Variants in PCDH17 observed in about 807,000 individuals in gnomAD.
PCDH17 encodes the protein protocadherin 17.
A neutral mutation model predicts 67.7 loss-of-function variants in PCDH17; 21 were observed. The ratio of observed to expected loss-of-function variants is 0.31; its 90% CI spans 0.22 to 0.45. PCDH17 has a LOEUF of 0.45. Among genes scored for constraint, PCDH17 ranks in the 20% least tolerant of loss-of-function variants. The pLI is 1.00. For missense variants in PCDH17, 1,471 were observed against 1,564.8 expected (o/e 0.94, Z 1.01); for synonymous variants, 701 against 656.7 (o/e 1.07, Z -1.03).
rs1439376614 is a variant in PCDH17, at chr13:57,725,526, T to C, written c.*232T>C. ...ACTTGTATTAGGACAGAATTAATGA[T>C]GCTTAAAGAGAAAAGAAAAAAAGAG... On this transcript the variant is annotated 3_prime_UTR_variant, in exon 4 of 4. Transcript: ENST00000377918. 6.9e-6 allele frequency: 3 copies of C among 433,854 alleles called. No individual in the cohort carries two copies. Among genetic ancestry groups the C allele is most frequent in the Non-Finnish European group, 1.2e-5 (3 of 245,666 alleles). The allele number at this position is 433,854 out of a possible 1,614,324, so 26.9% of individuals were successfully genotyped here. A position where few individuals can be genotyped will look rare whatever the true frequency, so the allele number is the denominator to read the frequency against.
chr13:57,681,184 C>G (rs1181832059), intron 3 of PCDH17, among the ~76,000 whole-genome samples: 1 of 151,602 alleles, frequency 6.6e-6, no homozygotes, highest in African/African-American at 2.4e-5. Context: ...TGTCTCATGC[C>G]ATGTCTGTAC....
At chr13:57,681,702 T>C (rs1365305098) in intron 3 of PCDH17, among the ~76,000 whole-genome samples, 1 of 151,774 alleles carries the variant, frequency 6.6e-6, no homozygotes, top group East Asian at 1.9e-4. Flanking sequence ...AGCTTATTAA[T>C]ATATAGCCAC....
At chr13:57,669,860 G>C (rs563777084) in intron 3 of PCDH17, among the ~76,000 whole-genome samples, 1 of 152,068 alleles carries the variant, frequency 6.6e-6, no homozygotes, top group African/African-American at 2.4e-5. Flanking sequence ...ATAAACATCA[G>C]AGTAAGTAAA....
intron 3 of PCDH17, among the ~76,000 whole-genome samples, chr13:57,673,929 A>G (rs1012142942): frequency 2.6e-5 from 4 of 151,926 alleles, no homozygotes; most frequent in Admixed American, 2.6e-4. Flanking sequence ...AATTGTATGC[A>G]GCTTCAGTTT....
chr13:57,719,493 C>T (rs901979735), intron 3 of PCDH17, among the ~76,000 whole-genome samples: 10 of 151,966 alleles, frequency 6.6e-5, no homozygotes, highest in Non-Finnish European at 1.2e-4. Flanking sequence ...AGATAGGAAA[C>T]TCCTGTGCTG....
rs1593921782 is a variant in PCDH17 at position 57,679,452 on chromosome 13, C to T, written c.2797+12619C>T. On this transcript the variant is annotated intron_variant, in intron 3 of 3. Transcript: ENST00000377918. ...TTTACTTTGGGAAGCTAAAAAGTAA[C>T]CTAGGCACATGGTAATGTATAATCA... Among the ~76,000 whole-genome samples the T allele has an allele frequency of 2.0e-5, 3 of 150,764 alleles. No individual in the cohort carries two copies. The South Asian group carries it at 6.2e-4, about 31-fold the overall frequency.
In PCDH17 at chr13:57,662,330, G is replaced by A. The variant is rs1955193454; in HGVS notation, c.2566-4138G>A. 3.3e-5 allele frequency among the ~76,000 whole-genome samples: 5 copies of A among 152,188 alleles called. No individual in the cohort carries two copies. The South Asian group carries it at 1.0e-3, about 32-fold the overall frequency. On this transcript the variant is annotated intron_variant, in intron 1 of 3. Transcript: ENST00000377918. ...TTTCTGAGAATTTGCATGGAATTAT[G>A]TTACATGCATACATTATTTGGGGAT... is the stretch of plus-strand genomic sequence containing the variant.
At chr13:57,722,235 T>C (rs911635080) in intron 3 of PCDH17, among the ~76,000 whole-genome samples, 2 of 152,206 alleles carry the variant, frequency 1.3e-5, no homozygotes, top group Non-Finnish European at 2.9e-5. Context: ...TTTCTTTTTC[T>C]GTGTCTTAAA....
At chr13:57,656,837 T>C (rs1955111824) in intron 1 of PCDH17, among the ~76,000 whole-genome samples, 1 of 152,148 alleles carries the variant, frequency 6.6e-6, no homozygotes, top group African/African-American at 2.4e-5. Flanking sequence ...TTTGAGGATG[T>C]TGGAGTTAGC....
intron 3 of PCDH17, among the ~76,000 whole-genome samples, chr13:57,699,023 C>T (rs1311609317): frequency 6.6e-6 from 1 of 151,890 alleles, no homozygotes; most frequent in Non-Finnish European, 1.5e-5. Flanking sequence ...AACTGTTTAG[C>T]TCAAGGCACA....
At chr13:57,663,159 C>A (rs1955204480) in intron 1 of PCDH17, among the ~76,000 whole-genome samples, 1 of 151,942 alleles carries the variant, frequency 6.6e-6, no homozygotes, top group African/African-American at 2.4e-5. Flanking sequence ...ATTGTAGGTA[C>A]ATGTGATATT....
chr13:57,643,310 A>G (rs1264733725), intron 1 of PCDH17, among the ~76,000 whole-genome samples: 1 of 151,682 alleles, frequency 6.6e-6, no homozygotes, highest in Non-Finnish European at 1.5e-5. Flanking sequence ...GCAAAATATA[A>G]TAAGAAAAAA....
At chr13:57,689,860 A>G (rs1208057187) in intron 3 of PCDH17, among the ~76,000 whole-genome samples, 2 of 151,920 alleles carry the variant, frequency 1.3e-5, no homozygotes, top group Non-Finnish European at 2.9e-5. Context: ...ATACACATAC[A>G]TTTTATAATT....
At chr13:57,635,205 A>C in intron 1 of PCDH17, 94 bp downstream of exon 1, 1 of 1,269,690 alleles carries the variant, frequency 7.9e-7, no homozygotes, top group Non-Finnish European at 1.1e-6. Flanking sequence ...CTCTGCCAGC[A>C]GCAGTGAGGG....
chr13:57,712,464 C>A (rs1301197486), intron 3 of PCDH17, among the ~76,000 whole-genome samples: 2 of 151,622 alleles, frequency 1.3e-5, no homozygotes, highest in African/African-American at 4.8e-5. Flanking sequence ...GCTGTGAAAG[C>A]AAATGTAAAA....
intron 3 of PCDH17, among the ~76,000 whole-genome samples, chr13:57,713,745 G>A (rs530147923): frequency 7.9e-5 from 12 of 151,452 alleles, no homozygotes; most frequent in Admixed American, 2.0e-4. Context: ...GCACATGTAC[G>A]CGTATGCATG....
intron 1 of PCDH17, among the ~76,000 whole-genome samples, chr13:57,661,552 C>T (rs1044653221): frequency 2.0e-5 from 3 of 151,970 alleles, no homozygotes; most frequent in Non-Finnish European, 4.4e-5. Flanking sequence ...AGATTTTCTG[C>T]TAAGTTTTCT....
intron 3 of PCDH17, 80 bp downstream of exon 3, chr13:57,666,913 T>C (rs1955262812): frequency 8.9e-7 from 1 of 1,124,172 alleles, no homozygotes; most frequent in Non-Finnish European, 1.2e-6. Context: ...AGTTGCAGTT[T>C]ATCACAGTGG....
upstream of PCDH17, among the ~76,000 whole-genome samples, chr13:57,630,947 G>T (rs954726737): frequency 2.6e-5 from 4 of 152,140 alleles, no homozygotes; most frequent in Non-Finnish European, 5.9e-5. Context: ...AGACAGACCT[G>T]TGTCTAACAT....
Sources: allele counts gnomAD v4.1 joint callset (sites outside exome capture counted in the v4.1 genomes callset), GRCh38; gene constraint gnomAD v4.1.1; transcripts MANE v1.5; gene names NCBI Gene and HGNC (gene_info 2026-07-23, HGNC 2026-07-21).